Variants in USPL1 observed in about 807,000 individuals in gnomAD.
USPL1 encodes SUMO-specific isopeptidase USPL1.
In USPL1, 27 loss-of-function variants were observed where a neutral mutation model predicts 51.5. The ratio of observed to expected loss-of-function variants is 0.52; its 90% CI spans 0.39 to 0.72. The LOEUF (loss-of-function observed/expected upper bound fraction) is 0.72, where lower values mean the gene tolerates loss of function less well. Ranked by LOEUF, USPL1 falls within the 30% of genes least tolerant of loss-of-function variation. USPL1 has a pLI of 0.00. For synonymous variants in USPL1, 451 were observed against 459.6 expected (o/e 0.98, Z 0.24); for missense variants, 1,226 against 1,268.0 (o/e 0.97, Z 0.50).
chr13:30,647,692 C>T (rs1951036061), intron 7 of USPL1, among the ~76,000 whole-genome samples: 1 of 152,152 alleles, frequency 6.6e-6, no homozygotes, highest in African/African-American at 2.4e-5. Flanking sequence ...TACACAACCT[C>T]TCTACTCTTC....
rs530156996 is a variant in USPL1 at position 30,633,943 on chromosome 13, A to G, written c.868+2469A>G. On this transcript the variant is annotated intron_variant, in intron 4 of 8. Transcript: ENST00000255304. Reference sequence around the variant, plus strand: ...TGTGGCCATAACTTGAGCAGTTGAGATGCAACAGCAAAATTAGCACAAATT... The same window carrying G: ...TGTGGCCATAACTTGAGCAGTTGAGGTGCAACAGCAAAATTAGCACAAATT... Among the ~76,000 whole-genome samples the G allele has an allele frequency of 7.8e-4, 118 of 152,166 alleles. 1 individual carries two copies. Among genetic ancestry groups the G allele is most frequent in the Admixed American group, 5.6e-3 (85 of 15,266 alleles).
intron 7 of USPL1, among the ~76,000 whole-genome samples, chr13:30,652,386 TAAAC>T (rs1368057179): frequency 2.6e-5 from 4 of 152,256 alleles, no homozygotes; most frequent in African/African-American, 4.8e-5. Context: ...TAAATTTTGA[TAAAC>T]TAAGTAAGTT....
At chr13:30,619,064 C>A (rs1950612156) in intron 1 of USPL1, among the ~76,000 whole-genome samples, 1 of 152,142 alleles carries the variant, frequency 6.6e-6, no homozygotes, top group Non-Finnish European at 1.5e-5. Flanking sequence ...TCAAGACTTT[C>A]TAGTCTGTGT....
At chr13:30,640,966 T>G (rs990872069) in intron 5 of USPL1, among the ~76,000 whole-genome samples, 3 of 152,158 alleles carry the variant, frequency 2.0e-5, no homozygotes, top group African/African-American at 4.8e-5. Context: ...GGGTAAGTTA[T>G]TGTAGGGCAG....
chr13:30,628,043 A>ATTTTTTTTTTTTTT (rs202119827), intron 3 of USPL1, among the ~76,000 whole-genome samples: 8 of 127,024 alleles, frequency 6.3e-5, no homozygotes, highest in African/African-American at 8.8e-5. Flanking sequence ...TGCCTGGCTA[A>ATTTTTTTTTTTTTT]TTTTTTTTTT....
chr13:30,630,929 G>T lies in USPL1; in HGVS notation c.323G>T (p.Ser108Ile), dbSNP rs757341925. Residue 108 changes from serine (S) to isoleucine (I), a missense_variant, in exon 4 of 9, where the codon AGC (serine) becomes ATC (isoleucine). Coordinates refer to ENST00000255304, the MANE Select transcript of USPL1 (RefSeq NM_005800.5). ...HTPHKPQKRK[S>I]LESSYKDSLL... Reference sequence around the variant, plus strand: ...CCACATAAGCCTCAGAAAAGGAAGAGCTTAGAAAGCAGCTATAAGGATTCA... The same window carrying T: ...CCACATAAGCCTCAGAAAAGGAAGATCTTAGAAAGCAGCTATAAGGATTCA... 4 of 1,613,996 alleles carry T rather than the reference G, an allele frequency of 2.5e-6. No homozygotes were observed. The African/African-American group carries it at 5.3e-5, about 22-fold the overall frequency.
intron 8 of USPL1, among the ~76,000 whole-genome samples, chr13:30,657,237 G>T (rs1036653807): frequency 6.6e-6 from 1 of 152,124 alleles, no homozygotes; most frequent in African/African-American, 2.4e-5. Context: ...GAAACATTCT[G>T]TTTTCTGATG....
At position 30,658,697 on chromosome 13, in the gene USPL1, T is replaced by G; in HGVS notation, c.2620T>G (p.Ser874Ala). Residue 874 changes from serine (S) to alanine (A), a missense_variant, in exon 9 of 9, where the codon TCA (serine) becomes GCA (alanine). Transcript: ENST00000255304. ...CAGTTCTTATGGGAATGGTATTTCTTCAGCAAACCATGAAGACTTGGTGGA... is the reference window on the plus strand; with the variant it reads ...CAGTTCTTATGGGAATGGTATTTCTGCAGCAAACCATGAAGACTTGGTGGA... ...NHSSYGNGIS[S>A]ANHEDLVEGQ... 6.2e-7 allele frequency: 1 copy of G among 1,614,224 alleles called. No homozygotes were observed. The highest frequency in any genetic ancestry group is 8.5e-7 in the Non-Finnish European group (1 of 1,180,044).
chr13:30,640,829 T>C (rs1372264732), intron 5 of USPL1, among the ~76,000 whole-genome samples: 3 of 152,240 alleles, frequency 2.0e-5, no homozygotes, highest in African/African-American at 7.2e-5. Context: ...ATAACTCGCT[T>C]GTATTATACT....
rs1188043639 is a variant in USPL1 at position 30,658,773 on chromosome 13, A to G, written c.2696A>G (p.Glu899Gly). 1.9e-6 allele frequency: 3 copies of G among 1,614,044 alleles called. No homozygotes were observed. The highest frequency in any genetic ancestry group is 3.3e-5 in the Admixed American group (2 of 59,996). Residue 899 changes from glutamate (E) to glycine (G), a missense_variant, in exon 9 of 9, where the codon GAA becomes GGA. Physicochemically the swap from Glu to Gly is moderately conservative, Grantham distance 98. Coordinates refer to ENST00000255304, the MANE Select transcript of USPL1 (RefSeq NM_005800.5). ...AAACTTCGTAAAAAGCTAAAGGCAG[A>G]AAAGAAGAAATTAGCTGCTCTTATG... The part of the protein sequence containing the change: ...RLKLRKKLKA[E>G]KKKLAALMSS...
In USPL1 at chr13:30,625,454, T is replaced by TG. The variant is rs200550760; in HGVS notation, c.228+3562_228+3563insG. ...GGTTTTTTGTTTTTTGTTTTTTTTTTTTTTTTTTTTGAGACGGAGTCTCGC... is the reference window on the plus strand; with the variant it reads ...GGTTTTTTGTTTTTTGTTTTTTTTTTGTTTTTTTTTTGAGACGGAGTCTCGC... On this transcript the variant is annotated intron_variant, in intron 3 of 8. Coordinates refer to ENST00000255304, the MANE Select transcript of USPL1 (RefSeq NM_005800.5). Among the ~76,000 whole-genome samples the TG allele has an allele frequency of 9.5e-3, 1,394 of 147,502 alleles. 33 individuals carry two copies. The highest frequency in any genetic ancestry group is 0.033 in the African/African-American group (1,328 of 39,994).
At chr13:30,625,454 T>G (rs1254671826) in intron 3 of USPL1, among the ~76,000 whole-genome samples, 14 of 147,402 alleles carry the variant, frequency 9.5e-5, no homozygotes, top group South Asian at 4.3e-4. Flanking sequence ...GTTTTTTTTT[T>G]TTTTTTTTTT....
At chr13:30,622,137 T>A (rs570929230) in intron 3 of USPL1, among the ~76,000 whole-genome samples, 1 of 152,110 alleles carries the variant, frequency 6.6e-6, no homozygotes, top group Non-Finnish European at 1.5e-5. Flanking sequence ...CAAGGTTTTT[T>A]TCTTTTTTTT....
chr13:30,657,626 A>G lies in USPL1; in HGVS notation c.1549A>G (p.Thr517Ala). ...AGCTGCCTGCCTTCCACTTAAAAAG[A>G]CTAATGACCAACACGCTCTCAGTAA... ...KEAACLPLKK[T>A]NDQHALSNEK... Residue 517 changes from threonine (T) to alanine (A), a missense_variant, in exon 9 of 9, where the codon ACT becomes GCT. Transcript: ENST00000255304. 3 of 1,614,226 alleles carry G rather than the reference A, an allele frequency of 1.9e-6. No individual in the cohort carries two copies. The highest frequency in any genetic ancestry group is 2.5e-6 in the Non-Finnish European group (3 of 1,180,038).
Position 30,631,143 on chromosome 13 carries a change from T to C in USPL1, c.537T>C (p.Thr179=). The C allele has an allele frequency of 1.9e-6, 3 of 1,614,212 alleles. No homozygotes were observed. Among genetic ancestry groups the C allele is most frequent in the Non-Finnish European group, 2.5e-6 (3 of 1,180,038 alleles). Residue 179 remains threonine (T), a synonymous_variant, in exon 4 of 9, where the codon ACT becomes ACC. Coordinates refer to ENST00000255304, the MANE Select transcript of USPL1 (RefSeq NM_005800.5). The part of the protein sequence containing the change: ...LERNEILEAD[T]VDMATTKDPA... ...GGAATGAGATTTTGGAAGCTGATAC[T>C]GTTGACATGGCTACTACAAAAGATC...
intron 6 of USPL1, among the ~76,000 whole-genome samples, chr13:30,644,634 G>A (rs1950994024): frequency 6.6e-6 from 1 of 152,176 alleles, no homozygotes; most frequent in African/African-American, 2.4e-5. Flanking sequence ...CAGCTGGTGG[G>A]CAACAGAGCG....
intron 8 of USPL1, 64 bp from the exon 9 acceptor site, chr13:30,657,409 GA>G: frequency 6.7e-7 from 1 of 1,490,602 alleles, no homozygotes; most frequent in Non-Finnish European, 9.0e-7. Context: ...GAAAAGGCCA[GA>G]AGAAAGTTAA....
intron 8 of USPL1, among the ~76,000 whole-genome samples, chr13:30,654,549 A>G (rs1177724568): frequency 2.0e-5 from 3 of 152,100 alleles, no homozygotes; most frequent in Admixed American, 2.0e-4. Context: ...CATTGTTTTC[A>G]AGGCTCCCCA....
intron 3 of USPL1, among the ~76,000 whole-genome samples, chr13:30,623,284 C>G (rs750248974): frequency 6.6e-6 from 1 of 151,928 alleles, no homozygotes; most frequent in African/African-American, 2.4e-5. Context: ...AGCAGCAGAG[C>G]GATAGAAGGT....
Sources: gnomAD v4.1 joint callset for allele counts (sites outside exome capture counted in the v4.1 genomes callset) on GRCh38, gnomAD v4.1.1 for gene constraint, MANE v1.5 for transcripts, NCBI Gene and HGNC (gene_info 2026-07-23, HGNC 2026-07-21) for gene names.